OPCML: variants seen among roughly 807,000 people sequenced by gnomAD.
OPCML encodes opioid-binding protein/cell adhesion molecule.
OPCML carries 13 observed loss-of-function variants against 37.8 expected under a neutral mutation model. The ratio of observed to expected loss-of-function variants is 0.34; its 90% CI spans 0.22 to 0.55. The LOEUF (loss-of-function observed/expected upper bound fraction) is 0.55. OPCML is among the 20% of genes least tolerant of loss of function. The pLI, the probability that OPCML is intolerant of heterozygous loss-of-function variation, is 0.91. For missense variants in OPCML, 341 were observed against 435.6 expected, an observed-to-expected ratio of 0.78 and a Z score of 1.93; for synonymous variants, 176 against 168.8, an observed-to-expected ratio of 1.04 and a Z score of -0.33.
chr11:132,445,350 G>A (rs943257921), intron 4 of OPCML, among the ~76,000 whole-genome samples: 2 of 152,154 alleles, frequency 1.3e-5, no homozygotes, highest in African/African-American at 2.4e-5. Context: ...GGGAGTAGCC[G>A]AGGATGACAC....
chr11:132,648,368 A>C (rs1289130290), intron 3 of OPCML, among the ~76,000 whole-genome samples: 1 of 152,188 alleles, frequency 6.6e-6, no homozygotes, highest in East Asian at 1.9e-4. Flanking sequence ...TGAGATCACC[A>C]TGCAAATTCA....
intron 1 of OPCML, among the ~76,000 whole-genome samples, chr11:133,256,051 A>G (rs1016641379): frequency 6.6e-6 from 1 of 152,252 alleles, no homozygotes; most frequent in Non-Finnish European, 1.5e-5. Context: ...CTAAGGCTAT[A>G]ATAACTTTAT....
intron 2 of OPCML, among the ~76,000 whole-genome samples, chr11:132,909,380 A>C (rs1317292642): frequency 6.6e-6 from 1 of 152,244 alleles, no homozygotes; most frequent in Non-Finnish European, 1.5e-5. Flanking sequence ...GAACATTCTG[A>C]GAGACCATTT....
intron 1 of OPCML, among the ~76,000 whole-genome samples, chr11:133,235,234 C>T (rs1361245872): frequency 6.6e-6 from 1 of 152,172 alleles, no homozygotes; most frequent in African/African-American, 2.4e-5. Context: ...TCTGAAGAGT[C>T]CCCCAAAGGC....
intron 4 of OPCML, among the ~76,000 whole-genome samples, chr11:132,460,300 C>T (rs1355090297): frequency 6.6e-6 from 1 of 151,942 alleles, no homozygotes; most frequent in Non-Finnish European, 1.5e-5. Context: ...TTGATTAGTG[C>T]CAAGGCTCCA....
chr11:132,631,776 A>G (rs1356171615), intron 3 of OPCML, among the ~76,000 whole-genome samples: 1 of 152,142 alleles, frequency 6.6e-6, no homozygotes, highest in Non-Finnish European at 1.5e-5. Flanking sequence ...TAAAAAGTCA[A>G]TAGATTAACA....
chr11:132,613,436 C>T lies in OPCML; in HGVS notation c.379+43651G>A, dbSNP rs948868876. 8.5e-5 allele frequency among the ~76,000 whole-genome samples: 13 copies of T among 152,290 alleles called. No homozygotes were observed. In the East Asian group the frequency reaches 1.4e-3, roughly 16 times the overall value. On this transcript the variant is annotated intron_variant, in intron 3 of 7. Coordinates refer to ENST00000524381, the MANE Select transcript of OPCML (RefSeq NM_001012393.5). ...ACTGCATAAACTCAAAACATGCATA[C>T]GGAACAAAACAAAGCCAGCTAATTG...
At chr11:133,438,683 G>A (rs1946294815) in intron 1 of OPCML, among the ~76,000 whole-genome samples, 1 of 152,138 alleles carries the variant, frequency 6.6e-6, no homozygotes, top group Non-Finnish European at 1.5e-5. Context: ...AGGGCCCTAG[G>A]TCACTTCAGG....
intron 1 of OPCML, among the ~76,000 whole-genome samples, chr11:132,944,291 G>T (rs1945691153): frequency 6.6e-6 from 1 of 152,210 alleles, no homozygotes; most frequent in Non-Finnish European, 1.5e-5. Flanking sequence ...GCCGATGCCA[G>T]CGCAGAAGTT....
intron 2 of OPCML, among the ~76,000 whole-genome samples, chr11:132,871,984 C>G (rs1034692210): frequency 2.0e-5 from 3 of 152,148 alleles, no homozygotes; most frequent in Non-Finnish European, 4.4e-5. Flanking sequence ...AAAATTTTAT[C>G]CCATCTTTCT....
chr11:133,463,479 A>T (rs144302571), intron 1 of OPCML, among the ~76,000 whole-genome samples: 2 of 152,230 alleles, frequency 1.3e-5, no homozygotes, highest in African/African-American at 2.4e-5. Flanking sequence ...GGCTTTTGAT[A>T]CACAGTGCCC....
At chr11:132,961,139 G>A (rs1329480992) in intron 1 of OPCML, among the ~76,000 whole-genome samples, 9 of 152,098 alleles carry the variant, frequency 5.9e-5, no homozygotes, top group Admixed American at 5.9e-4. Context: ...AATAGTGCTG[G>A]GCAGGGAGTC....
At chr11:132,868,633 T>A (rs769997098) in intron 2 of OPCML, among the ~76,000 whole-genome samples, 1 of 152,080 alleles carries the variant, frequency 6.6e-6, no homozygotes, top group African/African-American at 2.4e-5. Flanking sequence ...CCAAATTTCT[T>A]TAGGGAAGAC....
At chr11:133,441,407 G>C (rs1412416124) in intron 1 of OPCML, among the ~76,000 whole-genome samples, 2 of 152,030 alleles carry the variant, frequency 1.3e-5, no homozygotes, top group Non-Finnish European at 2.9e-5. Flanking sequence ...TGAATTCATG[G>C]GCATTTATTT....
chr11:132,606,656 C>A (rs1938318349), intron 3 of OPCML, among the ~76,000 whole-genome samples: 1 of 135,232 alleles, frequency 7.4e-6, no homozygotes, highest in African/African-American at 2.8e-5. Flanking sequence ...CCCCTTTTCC[C>A]ACTTCTGGGC....
intron 1 of OPCML, among the ~76,000 whole-genome samples, chr11:133,322,849 G>A (rs1309611677): frequency 6.6e-6 from 1 of 152,120 alleles, no homozygotes; most frequent in Non-Finnish European, 1.5e-5. Flanking sequence ...AAATTAGCAT[G>A]GTGCCAGACA....
intron 2 of OPCML, among the ~76,000 whole-genome samples, chr11:132,793,976 T>A (rs1351722235): frequency 6.6e-6 from 1 of 152,250 alleles, no homozygotes; most frequent in Non-Finnish European, 1.5e-5. Context: ...AGACGGCTAC[T>A]GCCCAAGCCA....
chr11:133,140,534 G>GAAGAAGAAGAAGAAGA (rs1592040206), intron 1 of OPCML, among the ~76,000 whole-genome samples: 1 of 57,344 alleles, frequency 1.7e-5, no homozygotes, highest in East Asian at 4.7e-4. Flanking sequence ...ATAATAATAA[G>GAAGAAGAAGAAGAAGA]AAGAAGAAGA....
At chr11:132,536,793 AT>A (rs1425575268) in intron 3 of OPCML, among the ~76,000 whole-genome samples, 3 of 152,320 alleles carry the variant, frequency 2.0e-5, no homozygotes, top group African/African-American at 7.2e-5. Context: ...GTATACTCAA[AT>A]AGTATAATAT....
Sources: gnomAD v4.1 joint callset for allele counts (sites outside exome capture counted in the v4.1 genomes callset) on GRCh38, gnomAD v4.1.1 for gene constraint, MANE v1.5 for transcripts, NCBI Gene and HGNC (gene_info 2026-07-23, HGNC 2026-07-21) for gene names.